RBFOX1: variants seen among roughly 807,000 people sequenced by gnomAD.
RBFOX1 encodes the protein RNA binding protein fox-1 homolog 1.
RBFOX1 carries 8 observed loss-of-function variants against 57.7 expected under a neutral mutation model. The observed-to-expected ratio is 0.14, with a 90% CI of 0.08 to 0.25. RBFOX1 has a LOEUF of 0.25. RBFOX1 is among the 10% of genes least tolerant of loss of function. The pLI, the probability that RBFOX1 is intolerant of heterozygous loss-of-function variation, is 1.00. For synonymous variants in RBFOX1, 326 were observed against 222.4 expected (o/e 1.47, Z -4.15); for missense variants, 611 against 548.5 (o/e 1.11, Z -1.14).
At chr16:5,361,530 C>T (rs903106927) in intron 1 of RBFOX1, among the ~76,000 whole-genome samples, 3 of 151,888 alleles carry the variant, frequency 2.0e-5, no homozygotes, top group Admixed American at 2.0e-4. Context: ...ATTTACAGGC[C>T]CCAGTAAGAT....
intron 4 of RBFOX1, among the ~76,000 whole-genome samples, chr16:7,106,248 T>A (rs1024287451): frequency 2.6e-5 from 4 of 152,216 alleles, no homozygotes; most frequent in African/African-American, 9.6e-5. Flanking sequence ...AATGTGTGCA[T>A]GAGCATGTGT....
At chr16:7,168,420 C>T (rs550723549) in intron 4 of RBFOX1, among the ~76,000 whole-genome samples, 5 of 152,020 alleles carry the variant, frequency 3.3e-5, no homozygotes, top group Admixed American at 6.6e-5. Context: ...CCACATTGTC[C>T]ACCAATTCTC....
At chr16:5,711,825 C>G (rs1048258247) in intron 3 of RBFOX1, among the ~76,000 whole-genome samples, 18 of 152,286 alleles carry the variant, frequency 1.2e-4, no homozygotes, top group Non-Finnish European at 2.5e-4. Flanking sequence ...AGGCTGGAGA[C>G]TTTCCAGAAA....
chr16:7,709,107 C>A lies in RBFOX1; in HGVS notation c.1047C>A (p.Ala349=), dbSNP rs1248936672. ...CCTACCACCACGCACTTGCTCCAGC[C>A]CCCACCTACGGCGTTGGTGCCATGG... The part of the protein sequence containing the change: ...ADPYHHALAP[A]PTYGVGAMNA... The change falls in exon 15 of 16, where the codon GCC becomes GCA. Residue 349 remains alanine, a synonymous_variant. Transcript: ENST00000550418. 1.2e-6 allele frequency: 2 copies of A among 1,613,554 alleles called. No individual in the cohort carries two copies. Among genetic ancestry groups the A allele is most frequent in the African/African-American group, 1.3e-5 (1 of 75,038 alleles).
chr16:5,399,998 C>T (rs1326794309), intron 1 of RBFOX1, among the ~76,000 whole-genome samples: 2 of 152,102 alleles, frequency 1.3e-5, no homozygotes, highest in Non-Finnish European at 2.9e-5. Context: ...GTTTGCCCTC[C>T]TTTCACCCCA....
At chr16:5,412,644 G>A (rs771721353) in intron 1 of RBFOX1, among the ~76,000 whole-genome samples, 2 of 152,172 alleles carry the variant, frequency 1.3e-5, no homozygotes, top group Admixed American at 6.5e-5. Flanking sequence ...AGTCCTTATT[G>A]TGCGCTGGTT....
intron 4 of RBFOX1, among the ~76,000 whole-genome samples, chr16:7,147,195 G>C (rs1042794973): frequency 4.0e-5 from 6 of 149,788 alleles, no homozygotes; most frequent in South Asian, 4.3e-4. Context: ...AGCAGAGACA[G>C]GGTTTCACCA....
chr16:5,731,040 A>G (rs1597009429), intron 3 of RBFOX1, among the ~76,000 whole-genome samples: 1 of 148,750 alleles, frequency 6.7e-6, no homozygotes, highest in African/African-American at 2.4e-5. Context: ...CACCATGAAC[A>G]TCACCACTGC....
Position 6,019,310 on chromosome 16 carries a change from A to C in RBFOX1, c.-809A>C, listed in dbSNP as rs2095024108. On this transcript the variant is annotated 5_prime_UTR_variant, in exon 1 of 16. Transcript: ENST00000550418. The surrounding 1 kb of genome is among the most constrained non-coding windows in gnomAD (Gnocchi z 4.2). ...GGGGTTTGAAGGTCACCTCCTTTCCAGTCCCCGTGCGAGCCGCGCTGCCGC... is the reference window on the plus strand; with the variant it reads ...GGGGTTTGAAGGTCACCTCCTTTCCCGTCCCCGTGCGAGCCGCGCTGCCGC... The C allele has an allele frequency of 1.0e-6, 1 of 985,030 alleles. No individual in the cohort carries two copies. The highest frequency in any genetic ancestry group is 1.2e-6 in the Non-Finnish European group (1 of 830,134). The allele number at this position is 985,030 out of a possible 1,614,324, so 61.0% of individuals were successfully genotyped here.
chr16:7,141,422 C>G (rs142939797), intron 4 of RBFOX1, among the ~76,000 whole-genome samples: 1 of 152,128 alleles, frequency 6.6e-6, no homozygotes, highest in Non-Finnish European at 1.5e-5. Context: ...AAGACCTTAT[C>G]GCATGATTGT....
chr16:5,571,345 C>G (rs2046276359), intron 2 of RBFOX1, among the ~76,000 whole-genome samples: 2 of 151,496 alleles, frequency 1.3e-5, no homozygotes, highest in Non-Finnish European at 2.9e-5. Flanking sequence ...CTCAGCCTCC[C>G]AAGTAGCTGG....
intron 4 of RBFOX1, among the ~76,000 whole-genome samples, chr16:7,316,984 A>ACACACACG (rs2096455578): frequency 6.6e-6 from 1 of 151,132 alleles, no homozygotes; most frequent in Non-Finnish European, 1.5e-5. Context: ...ACACACACAC[A>ACACACACG]CAAACACACA....
At chr16:6,768,039 T>C (rs1021540894) in intron 3 of RBFOX1, among the ~76,000 whole-genome samples, 2 of 151,426 alleles carry the variant, frequency 1.3e-5, no homozygotes, top group African/African-American at 2.4e-5. Context: ...GAAAATCACA[T>C]TGTGAAGGAG....
intron 4 of RBFOX1, among the ~76,000 whole-genome samples, chr16:7,178,977 G>C (rs962121445): frequency 6.6e-6 from 1 of 152,068 alleles, no homozygotes; most frequent in Non-Finnish European, 1.5e-5. Context: ...TATAATTTTC[G>C]GTGGCAGTGC....
chr16:6,905,909 T>G (rs948010848), intron 3 of RBFOX1, among the ~76,000 whole-genome samples: 1 of 152,198 alleles, frequency 6.6e-6, no homozygotes. Flanking sequence ...AGGCTTTCTC[T>G]GTAGTGACAT....
chr16:5,901,249 T>C (rs573833261), intron 4 of RBFOX1, among the ~76,000 whole-genome samples: 230 of 152,264 alleles, frequency 1.5e-3, no homozygotes, highest in African/African-American at 4.9e-3. Flanking sequence ...GTTCACGCGG[T>C]CTTTGTTTTA....
At chr16:6,041,679 T>C (rs1299372222) in intron 1 of RBFOX1, among the ~76,000 whole-genome samples, 2 of 152,064 alleles carry the variant, frequency 1.3e-5, no homozygotes, top group Non-Finnish European at 2.9e-5. Context: ...TCCCTTTTAG[T>C]GTAAGGGGAA....
intron 2 of RBFOX1, among the ~76,000 whole-genome samples, chr16:6,466,357 A>G (rs533444907): frequency 3.1e-4 from 47 of 151,988 alleles, no homozygotes; most frequent in Non-Finnish European, 5.4e-4. Context: ...TATTCCAGTT[A>G]TGGTGCGAGG....
chr16:6,483,316 G>T (rs1401891490), intron 2 of RBFOX1: 1 of 1,421,252 alleles, frequency 7.0e-7, no homozygotes, highest in South Asian at 1.5e-5. Flanking sequence ...CCGCGCGCTC[G>T]GGGCGTTCTG....
Sources: allele counts gnomAD v4.1 joint callset (sites outside exome capture counted in the v4.1 genomes callset), GRCh38; gene constraint gnomAD v4.1.1; non-coding constraint Gnocchi (gnomAD v3.1); transcripts MANE v1.5; gene names NCBI Gene and HGNC (gene_info 2026-07-23, HGNC 2026-07-21).